The following AIFM2 variants were observed in gnomAD, a reference collection of about 807,000 sequenced individuals.
AIFM2 encodes ferroptosis suppressor protein 1.
A neutral mutation model predicts 35.7 loss-of-function variants in AIFM2; 38 were observed. The ratio of observed to expected loss-of-function variants is 1.06; its 90% confidence interval spans 0.82 to 1.39. The LOEUF is 1.39. Among genes scored for constraint, AIFM2 ranks in the 40% most tolerant of loss-of-function variants. AIFM2 has a pLI of 0.00. For missense variants in AIFM2, 476 were observed against 491.2 expected (o/e 0.97, Z 0.29); for synonymous variants, 185 against 203.5 (o/e 0.91, Z 0.77).
intron 4 of AIFM2, 53 bp downstream of exon 4, chr10:70,121,039 A>G: frequency 1.3e-6 from 2 of 1,587,704 alleles, no homozygotes; most frequent in Non-Finnish European, 8.5e-7. Context: ...GGCATCCCCA[A>G]GGCTGTCCTT....
At chr10:70,126,700 T>C (rs2072569929) in intron 1 of AIFM2, among the ~76,000 whole-genome samples, 1 of 152,188 alleles carries the variant, frequency 6.6e-6, no homozygotes, top group South Asian at 2.1e-4. Flanking sequence ...CAGCTTTTGG[T>C]TAGAACTCCG....
chr10:70,114,832 TGGC>T, intron 8 of AIFM2, 85 bp downstream of exon 8: 1 of 1,424,550 alleles, frequency 7.0e-7, no homozygotes, highest in Middle Eastern at 1.8e-4. Context: ...TTTGTTCTAG[TGGC>T]CAGGTATGGG....
rs1438880072 is a variant in AIFM2, at chr10:70,123,968, C to T, written c.117G>A (p.Leu39=). 4 of 1,612,256 alleles carry T rather than the reference C, an allele frequency of 2.5e-6. No individual in the cohort carries two copies. Among genetic ancestry groups the T allele is most frequent in the Non-Finnish European group, 8.5e-7 (1 of 1,178,932 alleles). Residue 39 remains leucine (L), a synonymous_variant, in exon 2 of 9, where the codon CTG becomes CTA. Coordinates refer to ENST00000307864, the MANE Select transcript of AIFM2 (RefSeq NM_032797.6). Reference sequence around the variant, plus strand: ...GGTGGAAGGAGTCCTTCATGTCCACCAGCATGAAGGGGACGTTCAGGGCCT... The same window carrying T: ...GGTGGAAGGAGTCCTTCATGTCCACTAGCATGAAGGGGACGTTCAGGGCCT... ...QLQALNVPFM[L]VDMKDSFHHN...
intron 3 of AIFM2, among the ~76,000 whole-genome samples, chr10:70,122,338 C>A (rs903313106): frequency 9.2e-5 from 14 of 152,108 alleles, no homozygotes; most frequent in Non-Finnish European, 1.9e-4. Context: ...AGTAATCTTT[C>A]CAACCAGGAA....
At chr10:70,126,450 T>G (rs1173378306) in intron 1 of AIFM2, among the ~76,000 whole-genome samples, 1 of 152,140 alleles carries the variant, frequency 6.6e-6, no homozygotes, top group Non-Finnish European at 1.5e-5. Flanking sequence ...CATAAGGAAG[T>G]GTGTTCCAGC....
intron 3 of AIFM2, 93 bp downstream of exon 3, chr10:70,123,312 C>T (rs955936984): frequency 5.5e-5 from 62 of 1,129,870 alleles, no homozygotes; most frequent in Non-Finnish European, 7.3e-5. Flanking sequence ...AGCCACCGCC[C>T]CCAGCCTAGC....
At position 70,116,606 on chromosome 10, in the gene AIFM2, C is replaced by A. The variant is rs774946761; in HGVS notation, c.769+16G>T. ...GCAAGGAGGCACAGGGGAAGCCCGG[C>A]TGGGCACCTGCTCACCAAACGCTTT... On this transcript the variant is annotated intron_variant, in intron 7 of 8. Coordinates refer to ENST00000307864, the MANE Select transcript of AIFM2 (RefSeq NM_032797.6). The A allele has an allele frequency of 3.2e-5, 51 of 1,612,698 alleles. No individual in the cohort carries two copies. The East Asian group carries it at 9.4e-4, about 30-fold the overall frequency.
chr10:70,132,123 T>C (rs1237255378), intron 1 of AIFM2, among the ~76,000 whole-genome samples: 2 of 152,148 alleles, frequency 1.3e-5, no homozygotes, highest in Non-Finnish European at 2.9e-5. Flanking sequence ...AGGCCACTAA[T>C]TCAGTTCCAG....
rs745688384 is a variant in AIFM2, at chr10:70,116,659, G to A, written c.732C>T (p.Gly244=). ...VATNLVILCT[G]IKINSSAYRK... ...GGTAGGCGGAGCTGTTGATCTTGAT[G>A]CCGGTGCAGAGAATCACCAGGTTGG... is the stretch of plus-strand genomic sequence containing the variant. Residue 244 remains glycine, a synonymous_variant, in exon 7 of 9, where the codon GGC becomes GGT. Coordinates refer to ENST00000307864, the MANE Select transcript of AIFM2 (RefSeq NM_032797.6). 2.9e-5 allele frequency: 47 copies of A among 1,614,048 alleles called. No individual in the cohort carries two copies. In the African/African-American group the frequency reaches 5.5e-4, roughly 19 times the overall value.
intron 1 of AIFM2, among the ~76,000 whole-genome samples, chr10:70,127,818 G>C (rs190941054): frequency 3.1e-4 from 47 of 152,344 alleles, no homozygotes; most frequent in African/African-American, 9.9e-4. Flanking sequence ...ACCCAGACCA[G>C]AGCAGGGCCA....
chr10:70,120,339 A>G (rs2072485613), intron 5 of AIFM2, among the ~76,000 whole-genome samples, 168 bp downstream of exon 5: 1 of 152,212 alleles, frequency 6.6e-6, no homozygotes, highest in African/African-American at 2.4e-5. Flanking sequence ...GCTCTGCAGG[A>G]AAAATCCCCT....
At position 70,131,597 on chromosome 10, in the gene AIFM2, G is replaced by C. The variant is rs2072627586; in HGVS notation, c.-14+1137C>G. Among the ~76,000 whole-genome samples the C allele has an allele frequency of 6.6e-6, 1 of 152,222 alleles. No individual in the cohort carries two copies. Among genetic ancestry groups the C allele is most frequent in the South Asian group, 2.1e-4 (1 of 4,832 alleles). ...AAGCAATTTGTCCATCCTCCTCAGA[G>C]CCAGTTTTGTGGTCCCCATGGTCTG... On this transcript the variant is annotated intron_variant, in intron 1 of 8. Coordinates refer to ENST00000307864, the MANE Select transcript of AIFM2 (RefSeq NM_032797.6). The surrounding 1 kb of genome is among the most constrained non-coding windows in gnomAD (Gnocchi z 4.1).
rs1457206733 is a variant in AIFM2 at position 70,123,445 on chromosome 10, A to G, written c.254T>C (p.Ile85Thr). ...DNFRQGLVVG[I>T]DLKNQMVLLQ... The stretch of plus-strand genomic sequence containing the variant: ...CAGCACCATCTGGTTCTTCAGGTCT[A>G]TCCCCACTACTAGCCCCTGCCGGAA... Residue 85 changes from isoleucine (I) to threonine (T), a missense_variant, in exon 3 of 9, where the codon ATA becomes ACA. Physicochemically the swap from Ile to Thr is moderately conservative, Grantham distance 89. Coordinates refer to ENST00000307864, the MANE Select transcript of AIFM2 (RefSeq NM_032797.6). The G allele has an allele frequency of 6.2e-7, 1 of 1,614,044 alleles. No individual in the cohort carries two copies. Among genetic ancestry groups the G allele is most frequent in the South Asian group, 1.1e-5 (1 of 91,088 alleles).
At chr10:70,121,490 G>C (rs1409267704) in intron 3 of AIFM2, among the ~76,000 whole-genome samples, 3 of 152,064 alleles carry the variant, frequency 2.0e-5, no homozygotes, top group Admixed American at 2.0e-4. Flanking sequence ...CACCCAGCAT[G>C]GCAGTGGGAG....
Position 70,116,604 on chromosome 10 carries a change from G to A in AIFM2, c.769+18C>T, listed in dbSNP as rs370107489. 45 of 1,612,542 alleles carry A rather than the reference G, an allele frequency of 2.8e-5. No individual in the cohort carries two copies. The African/African-American group carries it at 4.0e-4, about 14-fold the overall frequency. On this transcript the variant is annotated intron_variant, in intron 7 of 8. Coordinates refer to ENST00000307864, the MANE Select transcript of AIFM2 (RefSeq NM_032797.6). Reference sequence around the variant, plus strand: ...GAGCAAGGAGGCACAGGGGAAGCCCGGCTGGGCACCTGCTCACCAAACGCT... The same window carrying A: ...GAGCAAGGAGGCACAGGGGAAGCCCAGCTGGGCACCTGCTCACCAAACGCT...
chr10:70,115,853 T>C (rs2072430393), intron 7 of AIFM2, among the ~76,000 whole-genome samples: 1 of 152,218 alleles, frequency 6.6e-6, no homozygotes, highest in Non-Finnish European at 1.5e-5. Context: ...AAAGGGACTT[T>C]TAAAAACTTG....
rs117097801 is a variant in AIFM2 at position 70,119,946 on chromosome 10, G to A, written c.507+561C>T. Among the ~76,000 whole-genome samples, 88 of 152,288 alleles carry A rather than the reference G, an allele frequency of 5.8e-4. 1 individual carries two copies. The East Asian group carries it at 0.015, about 26-fold the overall frequency. On this transcript the variant is annotated intron_variant, in intron 5 of 8. Transcript: ENST00000307864. ...CAGGGCAGGCTGATGTCCCCTCCCCGTTCCCACCCATGGGCAGAAGGCAGT... is the reference window on the plus strand; with the variant it reads ...CAGGGCAGGCTGATGTCCCCTCCCCATTCCCACCCATGGGCAGAAGGCAGT...
intron 1 of AIFM2, among the ~76,000 whole-genome samples, chr10:70,127,882 G>GCT (rs1235397388): frequency 6.6e-6 from 1 of 152,092 alleles, no homozygotes; most frequent in Admixed American, 6.5e-5. Flanking sequence ...CCTGCAATCT[G>GCT]CTCTCTCTCT....
intron 1 of AIFM2, among the ~76,000 whole-genome samples, chr10:70,125,437 C>CAAAAAAAAAAAAAAAAAAAAAAA (rs199638586): frequency 1.5e-5 from 1 of 67,952 alleles, no homozygotes; most frequent in Non-Finnish European, 2.6e-5. Flanking sequence ...TCTGTCTCTA[C>CAAAAAAAAAAAAAAAAAAAAAAA]AAAAAAAAAA....
Sources: allele counts gnomAD v4.1 joint callset (sites outside exome capture counted in the v4.1 genomes callset), GRCh38; gene constraint gnomAD v4.1.1; non-coding constraint Gnocchi (gnomAD v3.1); transcripts MANE v1.5; gene names NCBI Gene and HGNC (gene_info 2026-07-23, HGNC 2026-07-21).